The following DNAJC15 variants were observed in gnomAD, a reference collection of about 807,000 sequenced individuals.
DNAJC15 encodes dnaJ homolog subfamily C member 15.
A neutral mutation model predicts 22.4 loss-of-function variants in DNAJC15; 27 were observed. That is an observed-to-expected ratio of 1.20 (90% confidence interval 0.89 to 1.66). The LOEUF (loss-of-function observed/expected upper bound fraction) is 1.66. DNAJC15 is among the 40% of genes most tolerant of loss of function. The pLI is 0.00. For synonymous variants in DNAJC15, 79 were observed against 63.2 expected, an observed-to-expected ratio of 1.25 and a Z score of -1.19; for missense variants, 208 against 187.1, an observed-to-expected ratio of 1.11 and a Z score of -0.65.
chr13:43,095,485 T>C (rs1402563417), intron 5 of DNAJC15, among the ~76,000 whole-genome samples: 3 of 152,140 alleles, frequency 2.0e-5, no homozygotes, highest in Non-Finnish European at 4.4e-5. Context: ...TAAATGACTC[T>C]AGAGTTCAGA....
intron 5 of DNAJC15, among the ~76,000 whole-genome samples, chr13:43,098,742 G>A (rs1309383273): frequency 6.6e-6 from 1 of 152,120 alleles, no homozygotes; most frequent in Non-Finnish European, 1.5e-5. Flanking sequence ...CAGTTTCATT[G>A]ATCAGTCTGT....
intron 3 of DNAJC15, among the ~76,000 whole-genome samples, chr13:43,072,725 A>G (rs1310391633): frequency 6.6e-6 from 1 of 151,946 alleles, no homozygotes; most frequent in Non-Finnish European, 1.5e-5. Context: ...CACTATTCCC[A>G]GCTAATTTTT....
intron 4 of DNAJC15, among the ~76,000 whole-genome samples, chr13:43,083,508 A>G (rs2040673475): frequency 6.6e-6 from 1 of 152,194 alleles, no homozygotes; most frequent in African/African-American, 2.4e-5. Context: ...TCATAGTTTC[A>G]GCCCTAAAGT....
chr13:43,075,709 CT>C (rs2040630563), intron 3 of DNAJC15, among the ~76,000 whole-genome samples: 1 of 152,188 alleles, frequency 6.6e-6, no homozygotes, highest in African/African-American at 2.4e-5. Context: ...ATTGCCCAGG[CT>C]GGAGTGCAGC....
rs188374776 is a variant in DNAJC15, at chr13:43,030,083, G to A, written c.108+6349G>A. The stretch of plus-strand genomic sequence containing the variant: ...AAATGTCAGTATCTAATAAATATGT[G>A]TATAATCAGAGTACGTATAATACTC... On this transcript the variant is annotated intron_variant, in intron 1 of 5. Transcript: ENST00000379221. Among the ~76,000 whole-genome samples, 423 of 152,232 alleles carry A rather than the reference G, an allele frequency of 2.8e-3. 1 individual carries two copies. The highest frequency in any genetic ancestry group is 4.3e-3 in the Non-Finnish European group (293 of 68,010).
intron 2 of DNAJC15, among the ~76,000 whole-genome samples, chr13:43,068,451 T>G (rs960687587): frequency 6.6e-6 from 1 of 152,136 alleles, no homozygotes; most frequent in African/African-American, 2.4e-5. Flanking sequence ...ACTTTAGAGA[T>G]AATTGATTAA....
Position 43,111,252 on chromosome 13 carries a change from C to T in DNAJC15, c.*4004C>T, listed in dbSNP as rs2040823421. ...TTAGACATTCAGCAAATATTGAATA[C>T]TTACTATATCAGGCAGTAAAGATAT... On this transcript the variant is annotated 3_prime_UTR_variant, in exon 6 of 6. Transcript: ENST00000379221. 1 of 152,094 alleles carries T rather than the reference C, an allele frequency of 6.6e-6. No individual in the cohort carries two copies. The highest frequency in any genetic ancestry group is 6.5e-5 in the Admixed American group (1 of 15,274). The allele number at this position is 152,094 out of a possible 1,614,324, so 9.4% of individuals were successfully genotyped here.
intron 5 of DNAJC15, among the ~76,000 whole-genome samples, chr13:43,103,040 ATT>A (rs1220071937): frequency 6.6e-6 from 1 of 152,026 alleles, no homozygotes; most frequent in Non-Finnish European, 1.5e-5. Context: ...TATCTTTTAC[ATT>A]TTTATGTGCT....
chr13:43,054,287 G>A (rs748569546), intron 1 of DNAJC15, among the ~76,000 whole-genome samples: 3 of 152,158 alleles, frequency 2.0e-5, no homozygotes, highest in Non-Finnish European at 4.4e-5. Context: ...TTGATATGCT[G>A]TTGGGTTTGA....
At chr13:43,095,316 T>A (rs1245544360) in intron 5 of DNAJC15, among the ~76,000 whole-genome samples, 1 of 152,100 alleles carries the variant, frequency 6.6e-6, no homozygotes, top group Non-Finnish European at 1.5e-5. Context: ...GATTTCTGAG[T>A]CAAAAAATTA....
intron 5 of DNAJC15, among the ~76,000 whole-genome samples, chr13:43,090,505 CAT>C (rs777919769): frequency 7.2e-4 from 110 of 151,872 alleles, no homozygotes; most frequent in Non-Finnish European, 1.4e-3. Flanking sequence ...TTAAAAAAAA[CAT>C]AGACTTAGGC....
chr13:43,082,278 G>A (rs904582010), intron 4 of DNAJC15, among the ~76,000 whole-genome samples: 2 of 152,066 alleles, frequency 1.3e-5, no homozygotes, highest in Non-Finnish European at 2.9e-5. Context: ...TGCATTCTAG[G>A]GAGGTGTTTG....
intron 4 of DNAJC15, among the ~76,000 whole-genome samples, chr13:43,084,445 T>G (rs1157435001): frequency 6.6e-6 from 1 of 152,200 alleles, no homozygotes; most frequent in East Asian, 1.9e-4. Context: ...TAATAAGTAG[T>G]GGAATCAAGA....
chr13:43,056,014 G>A (rs1397724913), intron 1 of DNAJC15, among the ~76,000 whole-genome samples: 2 of 152,026 alleles, frequency 1.3e-5, no homozygotes, highest in African/African-American at 4.8e-5. Flanking sequence ...TCATTCAGGA[G>A]CAGGTTATTT....
intron 1 of DNAJC15, among the ~76,000 whole-genome samples, chr13:43,028,017 T>C (rs1423569494): frequency 7.9e-5 from 12 of 152,230 alleles, no homozygotes; most frequent in Admixed American, 7.9e-4. Flanking sequence ...TTAAGTTTCA[T>C]GGACAGGGAC....
At chr13:43,046,953 T>C (rs1163743294) in intron 1 of DNAJC15, among the ~76,000 whole-genome samples, 1 of 152,170 alleles carries the variant, frequency 6.6e-6, no homozygotes, top group Non-Finnish European at 1.5e-5. Context: ...AGCTGAACAC[T>C]GGTTGCTGGG....
chr13:43,051,926 C>G (rs367845869), intron 1 of DNAJC15, among the ~76,000 whole-genome samples: 1 of 152,084 alleles, frequency 6.6e-6, no homozygotes, highest in Admixed American at 6.6e-5. Context: ...AAAGTGTTCC[C>G]TTTCACCATA....
rs2040832090 is a variant in DNAJC15 at position 43,113,097 on chromosome 13, A to G, written c.*5849A>G. ...AAGCTTTGATAAGATTTTATCTGAA[A>G]TGTTCATGGACAAGAGCTTTCAAGG... is the stretch of plus-strand genomic sequence containing the variant. On this transcript the variant is annotated 3_prime_UTR_variant, in exon 6 of 6. Coordinates refer to ENST00000379221, the MANE Select transcript of DNAJC15 (RefSeq NM_013238.3). The G allele has an allele frequency of 2.0e-5, 3 of 152,186 alleles. 1 individual carries two copies. The highest frequency in any genetic ancestry group is 2.0e-4 in the Admixed American group (3 of 15,270). 9.4% of individuals were successfully genotyped at this position (152,186 alleles called of 1,614,324 possible).
At chr13:43,062,715 C>A (rs2153440726) in intron 1 of DNAJC15, among the ~76,000 whole-genome samples, 1 of 152,040 alleles carries the variant, frequency 6.6e-6, no homozygotes, top group East Asian at 1.9e-4. Context: ...TTATATTTTT[C>A]TTTTTTCTTT....
Sources: gnomAD v4.1 joint callset for allele counts (sites outside exome capture counted in the v4.1 genomes callset) on GRCh38, gnomAD v4.1.1 for gene constraint, MANE v1.5 for transcripts, NCBI Gene and HGNC (gene_info 2026-07-23, HGNC 2026-07-21) for gene names.